BRCA1: variants seen among roughly 807,000 people sequenced by gnomAD.
BRCA1 encodes BRCA1 DNA repair associated.
Under a neutral mutation model 173.7 loss-of-function variants are expected in BRCA1, and 140 were observed. The observed-to-expected ratio is 0.81, with a 90% CI of 0.70 to 0.93. BRCA1 has a LOEUF of 0.93. Ranked by LOEUF, BRCA1 falls within the 40% of genes least tolerant of loss-of-function variation. The pLI is 0.00. For synonymous variants in BRCA1, 662 were observed against 756.0 expected (o/e 0.88, Z 2.04); for missense variants, 1,983 against 2,172.5 (o/e 0.91, Z 1.73).
At chr17:43,053,629 T>C (rs555501364) in intron 19 of BRCA1, among the ~76,000 whole-genome samples, 1 of 151,678 alleles carries the variant, frequency 6.6e-6, no homozygotes, top group Non-Finnish European at 1.5e-5. Context: ...ACGGCGCCAC[T>C]GCACTCCAGC....
chr17:43,069,987 G>A (rs1029147635), intron 15 of BRCA1, among the ~76,000 whole-genome samples: 2 of 152,158 alleles, frequency 1.3e-5, no homozygotes, highest in Non-Finnish European at 2.9e-5. Context: ...AGGCTGGAGT[G>A]CAATGGTGCA....
chr17:43,147,008 CT>C (rs369094009), intron 1 of BRCA1, among the ~76,000 whole-genome samples: 358 of 144,318 alleles, frequency 2.5e-3, no homozygotes, highest in Middle Eastern at 7.2e-3. Context: ...AGCCTCATGG[CT>C]TTTTTTTTTT....
At chr17:43,070,298 G>A (rs1245617091) in intron 15 of BRCA1, among the ~76,000 whole-genome samples, 1 of 152,046 alleles carries the variant, frequency 6.6e-6, no homozygotes, top group Non-Finnish European at 1.5e-5. Context: ...AAACTTCTCA[G>A]GATGTCTGAA....
intron 11 of BRCA1, among the ~76,000 whole-genome samples, chr17:43,089,211 G>T (rs1020849197): frequency 6.6e-6 from 1 of 152,070 alleles, no homozygotes; most frequent in South Asian, 2.1e-4. Flanking sequence ...CAGCTACTTA[G>T]AAGGCTGAAG....
intron 12 of BRCA1, chr17:43,079,600 C>T (rs1176356020): frequency 2.4e-6 from 2 of 847,614 alleles, no homozygotes; most frequent in African/African-American, 1.7e-5. Flanking sequence ...ACTCTAAGAG[C>T]CAAGACAGCT....
Position 43,095,918 on chromosome 17 carries a change from C to T in BRCA1, c.598G>A (p.Gly200Arg). ...TVNKATYCSV[G>R]DQELLQITPQ... ...GTGATTTGTAACAATTCTTGATCTC[C>T]CACACTATAGGGAAAAGACAGAGTC... Residue 200 changes from glycine (G) to arginine (R), a missense_variant, in exon 9 of 23, where the codon GGA (glycine) becomes AGA (arginine). Physicochemically the swap from Gly to Arg is moderately radical, Grantham distance 125. Coordinates refer to ENST00000357654, the MANE Select transcript of BRCA1 (RefSeq NM_007294.4). The T allele has an allele frequency of 1.2e-6, 2 of 1,611,782 alleles. No individual in the cohort carries two copies. Among genetic ancestry groups the T allele is most frequent in the Non-Finnish European group, 8.5e-7 (1 of 1,178,212 alleles).
intron 11 of BRCA1, among the ~76,000 whole-genome samples, chr17:43,087,152 A>T (rs2053259789): frequency 6.6e-6 from 1 of 152,228 alleles, no homozygotes; most frequent in Admixed American, 6.5e-5. Flanking sequence ...ACATGTATCA[A>T]ACACCAAAAT....
Position 43,091,686 on chromosome 17 carries a change from T to TCG in BRCA1, c.3844_3845insCG (p.Glu1282AlafsTer26). 2 of 1,614,254 alleles carry TCG rather than the reference T, an allele frequency of 1.2e-6. No individual in the cohort carries two copies. The highest frequency in any genetic ancestry group is 1.7e-6 in the Non-Finnish European group (2 of 1,180,034). On this transcript the variant is annotated frameshift_variant, in exon 10 of 23. Coordinates refer to ENST00000357654, the MANE Select transcript of BRCA1 (RefSeq NM_007294.4). LOFTEE classifies it high-confidence loss of function. ...TTTTGTTTCCTCACTAAGGTGATGT[T>TCG]CCTGAGATGCCTTTGCCAATATTAC... is the stretch of plus-strand genomic sequence containing the variant.
chr17:43,055,419 G>A (rs1407096768), intron 19 of BRCA1, among the ~76,000 whole-genome samples: 2 of 152,100 alleles, frequency 1.3e-5, no homozygotes, highest in Non-Finnish European at 2.9e-5. Flanking sequence ...AAGCCAAGGC[G>A]GGTGGATCAC....
chr17:43,137,742 TGGTGA>T (rs1476209860), intron 1 of BRCA1, among the ~76,000 whole-genome samples: 4 of 152,044 alleles, frequency 2.6e-5, no homozygotes, highest in Non-Finnish European at 4.4e-5. Context: ...CCGGGCATGG[TGGTGA>T]GCACCTGTAT....
At chr17:43,069,546 G>A (rs865915230) in intron 15 of BRCA1, among the ~76,000 whole-genome samples, 1 of 152,304 alleles carries the variant, frequency 6.6e-6, no homozygotes, top group South Asian at 2.1e-4. Context: ...GAATAAATAA[G>A]GAATTCTGGA....
At chr17:43,102,443 G>A (rs1465280965) in intron 6 of BRCA1, among the ~76,000 whole-genome samples, 3 of 137,590 alleles carry the variant, frequency 2.2e-5, no homozygotes, top group Non-Finnish European at 3.0e-5. Context: ...TGCAACCTCC[G>A]ACTCTCAGGT....
chr17:43,170,086 C>G, intron 1 of BRCA1: 1 of 356,652 alleles, frequency 2.8e-6, no homozygotes, highest in South Asian at 2.2e-5. Context: ...ATAGCGCGGG[C>G]GAGTGTGGGG....
At chr17:43,096,553 A>G (rs1313368804) in intron 8 of BRCA1, among the ~76,000 whole-genome samples, 1 of 142,996 alleles carries the variant, frequency 7.0e-6, no homozygotes, top group African/African-American at 2.6e-5. Flanking sequence ...TCCTGGCAAC[A>G]GGGCAAGACC....
intron 8 of BRCA1, among the ~76,000 whole-genome samples, chr17:43,096,242 T>C (rs889330760): frequency 1.3e-5 from 2 of 151,644 alleles, no homozygotes. Flanking sequence ...CCGGGTGTGG[T>C]GGCGCGCGCC....
In BRCA1 at chr17:43,044,463, T is replaced by A. The variant is rs1168905727; in HGVS notation, c.*1215A>T. 1 of 509,218 alleles carries A rather than the reference T, an allele frequency of 2.0e-6. No individual in the cohort carries two copies. Among genetic ancestry groups the A allele is most frequent in the South Asian group, 1.5e-5 (1 of 64,920 alleles). 31.5% of individuals were successfully genotyped at this position (509,218 alleles called of 1,614,324 possible). ...TGGATAATGGGTTTATGAAAAACACTTTTTCTTCCTTCAGCAAGCAAAATT... is the reference window on the plus strand; with the variant it reads ...TGGATAATGGGTTTATGAAAAACACATTTTCTTCCTTCAGCAAGCAAAATT... On this transcript the variant is annotated 3_prime_UTR_variant, in exon 23 of 23. Coordinates refer to ENST00000357654, the MANE Select transcript of BRCA1 (RefSeq NM_007294.4).
At chr17:43,149,455 G>A (rs927773585) in intron 1 of BRCA1, among the ~76,000 whole-genome samples, 3 of 149,350 alleles carry the variant, frequency 2.0e-5, no homozygotes, top group African/African-American at 4.9e-5. Flanking sequence ...GGCTGGTCTC[G>A]AACACCTGAC....
At chr17:43,098,851 C>G (rs2054247602) in intron 7 of BRCA1, among the ~76,000 whole-genome samples, 1 of 147,030 alleles carries the variant, frequency 6.8e-6, no homozygotes, top group South Asian at 2.1e-4. Context: ...GAGTTTCACT[C>G]TTGTTGCCTA....
chr17:43,059,458 C>T (rs990551176), intron 18 of BRCA1, among the ~76,000 whole-genome samples: 3 of 144,742 alleles, frequency 2.1e-5, no homozygotes, highest in South Asian at 2.3e-4. Flanking sequence ...GGCAACAGAA[C>T]GAGATGCTGT....
Sources: gnomAD v4.1 joint callset for allele counts (sites outside exome capture counted in the v4.1 genomes callset) on GRCh38, gnomAD v4.1.1 for gene constraint, MANE v1.5 for transcripts, NCBI Gene and HGNC (gene_info 2026-07-23, HGNC 2026-07-21) for gene names.